TMEM120B: variants seen among roughly 807,000 people sequenced by gnomAD.
TMEM120B encodes the protein transmembrane protein 120B.
A neutral mutation model predicts 55.5 loss-of-function variants in TMEM120B; 31 were observed. The ratio of observed to expected loss-of-function variants is 0.56; its 90% CI spans 0.42 to 0.75. The LOEUF (loss-of-function observed/expected upper bound fraction) is 0.75, where lower values mean the gene tolerates loss of function less well. Among genes scored for constraint, TMEM120B ranks in the 30% least tolerant of loss-of-function variants. TMEM120B has a pLI of 0.00. For synonymous variants in TMEM120B, 203 were observed against 176.3 expected (o/e 1.15, Z -1.20); for missense variants, 399 against 425.5 (o/e 0.94, Z 0.55).
intron 7 of TMEM120B, among the ~76,000 whole-genome samples, 153 bp downstream of exon 7, chr12:121,771,125 G>C (rs528075153): frequency 6.6e-6 from 1 of 152,140 alleles, no homozygotes; most frequent in Non-Finnish European, 1.5e-5. Flanking sequence ...GCCGGGCTGC[G>C]CGGGCCCCAC....
intron 5 of TMEM120B, among the ~76,000 whole-genome samples, chr12:121,753,397 C>T (rs1028519640): frequency 6.6e-6 from 1 of 151,916 alleles, no homozygotes; most frequent in Non-Finnish European, 1.5e-5. Flanking sequence ...ATGGTCAAAC[C>T]CTGTCTCTAC....
chr12:121,750,258 T>G lies in TMEM120B; in HGVS notation c.306-122T>G. 5.4e-6 allele frequency: 5 copies of G among 919,030 alleles called. No individual in the cohort carries two copies. In the South Asian group the frequency reaches 7.2e-5, roughly 13 times the overall value. The allele number at this position is 919,030 out of a possible 1,614,324, so 56.9% of individuals were successfully genotyped here. ...GTGGGGGCCCATTTGCCCGCTGAGCTTAGGCCCCCTATCTTCTAACATCAG... is the reference window on the plus strand; with the variant it reads ...GTGGGGGCCCATTTGCCCGCTGAGCGTAGGCCCCCTATCTTCTAACATCAG... On this transcript the variant is annotated intron_variant, in intron 3 of 11. Transcript: ENST00000449592.
chr12:121,715,660 T>C (rs1038680360), intron 1 of TMEM120B, among the ~76,000 whole-genome samples: 5 of 152,078 alleles, frequency 3.3e-5, no homozygotes, highest in Non-Finnish European at 7.3e-5. Context: ...TGCTGCAGGC[T>C]TTGGTGGTCA....
In TMEM120B at chr12:121,771,517, G is replaced by A. The variant is rs770585789; in HGVS notation, c.647G>A (p.Arg216His). The change falls in exon 8 of 12, where the codon CGC becomes CAC. Residue 216 changes from arginine to histidine, a missense_variant. By Grantham distance (29) the Arg-to-His change is conservative. Transcript: ENST00000449592. The stretch of plus-strand genomic sequence containing the variant: ...AATGGACCCATTTATCAGAAGTTTC[G>A]CAACCAGTTCTTAGCATTTTCCATT... ...WPNGPIYQKF[R>H]NQFLAFSIFQ... is the part of the protein sequence containing the mutation. 83 of 1,613,852 alleles carry A rather than the reference G, an allele frequency of 5.1e-5. No homozygotes were observed. Among genetic ancestry groups the A allele is most frequent in the Non-Finnish European group, 6.2e-5 (73 of 1,180,002 alleles).
At chr12:121,744,429 T>G (rs1354822491) in intron 2 of TMEM120B, among the ~76,000 whole-genome samples, 1 of 152,042 alleles carries the variant, frequency 6.6e-6, no homozygotes, top group Non-Finnish European at 1.5e-5. Flanking sequence ...CGGGTGAAAG[T>G]TGGGTGCTGT....
rs548862195 is a variant in TMEM120B, at chr12:121,752,469, A to G, written c.461+246A>G. 1.4e-4 allele frequency among the ~76,000 whole-genome samples: 21 copies of G among 152,252 alleles called. No individual in the cohort carries two copies. In the East Asian group the frequency reaches 4.1e-3, roughly 29 times the overall value. ...TACTGTACTAGTTAAGAAGGAGTTC[A>G]TTACCTGGCGCGGTGGCTCACGCCT... On this transcript the variant is annotated intron_variant, in intron 5 of 11. Coordinates refer to ENST00000449592, the MANE Select transcript of TMEM120B (RefSeq NM_001080825.2).
chr12:121,713,009 C>T (rs995768221), intron 1 of TMEM120B, 45 bp downstream of exon 1: 24 of 1,467,460 alleles, frequency 1.6e-5, no homozygotes, highest in Non-Finnish European at 2.1e-5. Flanking sequence ...GCCCGCGGTG[C>T]AGCGCCTTGC....
In TMEM120B at chr12:121,732,849, C is replaced by T. The variant is rs531045379; in HGVS notation, c.70-10780C>T. The stretch of plus-strand genomic sequence containing the variant: ...AAAAAATTAGCCGGGCGTGGTGGCA[C>T]GTGCCTGTAGTCCCAGCTACTTGGG... On this transcript the variant is annotated intron_variant, in intron 1 of 11. Transcript: ENST00000449592. 4.6e-5 allele frequency among the ~76,000 whole-genome samples: 7 copies of T among 151,914 alleles called. No homozygotes were observed. In the East Asian group the frequency reaches 9.7e-4, roughly 21 times the overall value.
intron 1 of TMEM120B, among the ~76,000 whole-genome samples, chr12:121,719,573 G>A (rs1894757896): frequency 6.6e-6 from 1 of 152,126 alleles, no homozygotes; most frequent in South Asian, 2.1e-4. Context: ...GTGACAGAGT[G>A]AGACCCTGTC....
chr12:121,781,544 G>A lies in TMEM120B; in HGVS notation c.*5822G>A, dbSNP rs201038422. On this transcript the variant is annotated 3_prime_UTR_variant, in exon 12 of 12. Transcript: ENST00000449592. ...AAAGAATCCTCAAGATCAAACCCAC[G>A]CAGTGCTGAGAGCTTGGCCTGATTC... 44 of 272,672 alleles carry A rather than the reference G, an allele frequency of 1.6e-4. No individual in the cohort carries two copies. The highest frequency in any genetic ancestry group is 7.9e-4 in the African/African-American group (36 of 45,532). The allele number at this position is 272,672 out of a possible 1,614,324, so 16.9% of individuals were successfully genotyped here.
intron 4 of TMEM120B, among the ~76,000 whole-genome samples, chr12:121,751,136 T>G (rs1592938613): frequency 2.2e-5 from 1 of 46,438 alleles, no homozygotes; most frequent in Non-Finnish European, 4.2e-5. Context: ...CCCCACACCT[T>G]ACACCCATAC....
chr12:121,768,549 C>T (rs943431029), intron 6 of TMEM120B, among the ~76,000 whole-genome samples: 8 of 152,192 alleles, frequency 5.3e-5, no homozygotes, highest in African/African-American at 1.9e-4. Context: ...TGTGTGGACC[C>T]ATTTCCCTGC....
chr12:121,749,220 G>C (rs373611853), intron 3 of TMEM120B, among the ~76,000 whole-genome samples: 1 of 152,280 alleles, frequency 6.6e-6, no homozygotes, highest in South Asian at 2.1e-4. Context: ...GACTGTGTTC[G>C]AATAGACCCC....
In TMEM120B at chr12:121,748,356, G is replaced by C. The variant is rs1258781956; in HGVS notation, c.219G>C (p.Ala73=). 6.2e-7 allele frequency: 1 copy of C among 1,611,080 alleles called. No homozygotes were observed. Among genetic ancestry groups the C allele is most frequent in the Non-Finnish European group, 8.5e-7 (1 of 1,178,666 alleles). Residue 73 remains alanine, a synonymous_variant, in exon 3 of 12, where the codon GCG becomes GCC. Coordinates refer to ENST00000449592, the MANE Select transcript of TMEM120B (RefSeq NM_001080825.2). ...RCKRHASREE[A]ELVQQMAANI... is the part of the protein sequence containing the mutation. ...AACGCCATGCCAGTCGGGAGGAGGC[G>C]GAGCTCGTTCAGCAGATGGCAGCGA...
rs372739049 is a variant in TMEM120B at position 121,781,211 on chromosome 12, G to A, written c.*5489G>A. On this transcript the variant is annotated 3_prime_UTR_variant, in exon 12 of 12. Transcript: ENST00000449592. ...TCTTGCCCTGAAAGCACAGAGCAGCGGGGGTCAGGGGACGTCCCCTCCCTG... is the reference window on the plus strand; with the variant it reads ...TCTTGCCCTGAAAGCACAGAGCAGCAGGGGTCAGGGGACGTCCCCTCCCTG... 124 of 1,607,254 alleles carry A rather than the reference G, an allele frequency of 7.7e-5. No individual in the cohort carries two copies. The highest frequency in any genetic ancestry group is 9.4e-5 in the Non-Finnish European group (110 of 1,174,074).
rs139959488 is a variant in TMEM120B at position 121,718,126 on chromosome 12, A to G, written c.69+5162A>G. ...ACAAAGGCTGACAATAATAATAATC[A>G]TAACAACAACAATAACAATAATAGC... On this transcript the variant is annotated intron_variant, in intron 1 of 11. Coordinates refer to ENST00000449592, the MANE Select transcript of TMEM120B (RefSeq NM_001080825.2). Among the ~76,000 whole-genome samples the G allele has an allele frequency of 1.0e-3, 152 of 152,314 alleles. 2 individuals are homozygous for G. The highest frequency in any genetic ancestry group is 1.1e-3 in the Non-Finnish European group (74 of 68,034).
rs1355089326 is a variant in TMEM120B, at chr12:121,774,645, C to T, written c.773-13C>T. On this transcript the variant is annotated splice_polypyrimidine_tract_variant and intron_variant, in intron 9 of 11. Transcript: ENST00000449592. The stretch of plus-strand genomic sequence containing the variant: ...CCCCTCAGCGGGTCCTTTTTCTTCC[C>T]TCCTCTCCACAGAAGGGTTCCAGTC... 6.2e-7 allele frequency: 1 copy of T among 1,613,202 alleles called. No individual in the cohort carries two copies. Among genetic ancestry groups the T allele is most frequent in the South Asian group, 1.1e-5 (1 of 90,998 alleles).
chr12:121,730,661 A>C (rs1335392680), intron 1 of TMEM120B, among the ~76,000 whole-genome samples: 5 of 148,518 alleles, frequency 3.4e-5, no homozygotes, highest in Non-Finnish European at 7.4e-5. Flanking sequence ...AAAAAAAAAA[A>C]AACAAACAAA....
chr12:121,737,285 A>C (rs1872776845), intron 1 of TMEM120B, among the ~76,000 whole-genome samples: 2 of 152,080 alleles, frequency 1.3e-5, no homozygotes, highest in South Asian at 4.1e-4. Flanking sequence ...TGGGCGGATT[A>C]CCCAAGGTCA....
Sources: gnomAD v4.1 joint callset for allele counts (sites outside exome capture counted in the v4.1 genomes callset) on GRCh38, gnomAD v4.1.1 for gene constraint, MANE v1.5 for transcripts, NCBI Gene and HGNC (gene_info 2026-07-23, HGNC 2026-07-21) for gene names.